The following HS6ST3 variants were observed in gnomAD, a reference collection of about 807,000 sequenced individuals.
HS6ST3 encodes the protein heparan-sulfate 6-O-sulfotransferase 3.
A neutral mutation model predicts 36.7 loss-of-function variants in HS6ST3; 12 were observed. The observed-to-expected ratio is 0.33, with a 90% CI of 0.21 to 0.53. The LOEUF is 0.53. Ranked by LOEUF, HS6ST3 falls within the 20% of genes least tolerant of loss-of-function variation. The probability of loss-of-function intolerance (pLI) is 0.95; values close to 1 mark genes in which losing one functional copy is unlikely to be tolerated. For synonymous variants in HS6ST3, 240 were observed against 257.5 expected (o/e 0.93, Z 0.65); for missense variants, 584 against 640.9 (o/e 0.91, Z 0.96).
chr13:96,338,691 C>A (rs941225490), intron 1 of HS6ST3, among the ~76,000 whole-genome samples: 8 of 152,076 alleles, frequency 5.3e-5, no homozygotes, highest in Non-Finnish European at 1.0e-4. Flanking sequence ...TGGTGTCAGC[C>A]CTCCCCTCTT....
rs1172289344 is a variant in HS6ST3 at position 96,143,158 on chromosome 13, A to G, written c.707+51589A>G. 5.9e-5 allele frequency among the ~76,000 whole-genome samples: 9 copies of G among 152,120 alleles called. No homozygotes were observed. The East Asian group carries it at 1.7e-3, about 29-fold the overall frequency. On this transcript the variant is annotated intron_variant, in intron 1 of 1. Coordinates refer to ENST00000376705, the MANE Select transcript of HS6ST3 (RefSeq NM_153456.4). ...CTGTGGATGAACACAGATCCTATTG[A>G]TAGCAGCCATCAAATGCCTCACTAT...
intron 1 of HS6ST3, among the ~76,000 whole-genome samples, chr13:96,189,986 T>G (rs918911948): frequency 6.6e-6 from 1 of 152,178 alleles, no homozygotes; most frequent in Non-Finnish European, 1.5e-5. Context: ...TGAATCCACC[T>G]ACATGTTAGG....
intron 1 of HS6ST3, among the ~76,000 whole-genome samples, chr13:96,101,511 A>G (rs2053818313): frequency 6.6e-6 from 1 of 151,924 alleles, no homozygotes. Flanking sequence ...ATATTATGAA[A>G]AGCTTCTAAT....
chr13:96,359,865 A>G (rs2055228898), intron 1 of HS6ST3, among the ~76,000 whole-genome samples: 1 of 152,194 alleles, frequency 6.6e-6, no homozygotes, highest in South Asian at 2.1e-4. Flanking sequence ...AGTTTCCAGC[A>G]GGAGTTGAAG....
intron 1 of HS6ST3, among the ~76,000 whole-genome samples, chr13:96,598,681 A>G (rs1314950282): frequency 6.6e-6 from 1 of 152,120 alleles, no homozygotes; most frequent in Non-Finnish European, 1.5e-5. Context: ...CTACTGCCCA[A>G]TTGCTCAGGC....
rs924990063 is a variant in HS6ST3, at chr13:96,560,035, A to G, written c.708-272455A>G. Among the ~76,000 whole-genome samples, 4 of 152,178 alleles carry G rather than the reference A, an allele frequency of 2.6e-5. No homozygotes were observed. In the South Asian group the frequency reaches 6.2e-4, roughly 24 times the overall value. On this transcript the variant is annotated intron_variant, in intron 1 of 1. Transcript: ENST00000376705. The stretch of plus-strand genomic sequence containing the variant: ...CTCCTTTGTGCATATTCCTAATTTG[A>G]GATCTATGAGAATTTCATCTCAGGC...
intron 1 of HS6ST3, among the ~76,000 whole-genome samples, chr13:96,633,941 T>G (rs561855384): frequency 6.6e-6 from 1 of 151,912 alleles, no homozygotes; most frequent in African/African-American, 2.4e-5. Context: ...CATTTGGAGG[T>G]GGGGCCTTTG....
At chr13:96,166,019 G>C (rs1044991946) in intron 1 of HS6ST3, among the ~76,000 whole-genome samples, 2 of 142,186 alleles carry the variant, frequency 1.4e-5, no homozygotes, top group African/African-American at 5.3e-5. Context: ...AGGGTGGAAG[G>C]GGTTATTTAT....
intron 1 of HS6ST3, among the ~76,000 whole-genome samples, chr13:96,700,111 A>G (rs931373704): frequency 2.6e-5 from 4 of 152,236 alleles, no homozygotes; most frequent in Admixed American, 1.3e-4. Context: ...GTATTAGTCC[A>G]TTTTCACACT....
At chr13:96,453,528 A>G (rs1472164337) in intron 1 of HS6ST3, among the ~76,000 whole-genome samples, 1 of 152,224 alleles carries the variant, frequency 6.6e-6, no homozygotes, top group East Asian at 1.9e-4. Context: ...GTGGAGAACC[A>G]TCTCTCAACA....
intron 1 of HS6ST3, among the ~76,000 whole-genome samples, chr13:96,747,850 TCCATATGGGAATGCATTC>T (rs1247514568): frequency 6.6e-6 from 1 of 151,938 alleles, no homozygotes; most frequent in Non-Finnish European, 1.5e-5. Context: ...GCTAGGGTGT[TCCATATGGGAATGCATTC>T]CCATATGAAA....
intron 1 of HS6ST3, among the ~76,000 whole-genome samples, chr13:96,501,174 G>C (rs1418039281): frequency 6.6e-6 from 1 of 152,160 alleles, no homozygotes; most frequent in Non-Finnish European, 1.5e-5. Context: ...GTGTCTGGCT[G>C]ATGAGATTAG....
At chr13:96,409,702 C>A (rs1205713162) in intron 1 of HS6ST3, among the ~76,000 whole-genome samples, 2 of 152,148 alleles carry the variant, frequency 1.3e-5, no homozygotes, top group Non-Finnish European at 1.5e-5. Context: ...CATCTCTAAT[C>A]TTAAAGCAGT....
At chr13:96,658,549 C>A (rs1429513674) in intron 1 of HS6ST3, among the ~76,000 whole-genome samples, 1 of 148,820 alleles carries the variant, frequency 6.7e-6, no homozygotes, top group African/African-American at 2.5e-5. Context: ...TCCCAAAGTG[C>A]TGGGATTACA....
At chr13:96,296,157 C>G (rs2054854267) in intron 1 of HS6ST3, among the ~76,000 whole-genome samples, 1 of 152,124 alleles carries the variant, frequency 6.6e-6, no homozygotes, top group African/African-American at 2.4e-5. Flanking sequence ...AAATGAAAAC[C>G]TGGGACATTC....
chr13:96,286,380 G>T (rs2054802630), intron 1 of HS6ST3, among the ~76,000 whole-genome samples: 1 of 152,140 alleles, frequency 6.6e-6, no homozygotes, highest in Admixed American at 6.5e-5. Context: ...AGCTCTGGAT[G>T]TGTGTGTGGA....
chr13:96,689,748 C>A (rs1486871907), intron 1 of HS6ST3, among the ~76,000 whole-genome samples: 1 of 151,366 alleles, frequency 6.6e-6, no homozygotes, highest in African/African-American at 2.4e-5. Flanking sequence ...AGCGGCTGCT[C>A]CCTTGGCTAT....
intron 1 of HS6ST3, among the ~76,000 whole-genome samples, chr13:96,183,056 A>G (rs768482533): frequency 6.6e-6 from 1 of 152,240 alleles, no homozygotes; most frequent in Non-Finnish European, 1.5e-5. Context: ...AGAAACTAAC[A>G]TGGGACATGG....
intron 1 of HS6ST3, among the ~76,000 whole-genome samples, chr13:96,455,209 C>A (rs1224578444): frequency 1.4e-4 from 21 of 152,018 alleles, no homozygotes; most frequent in Admixed American, 1.3e-3. Flanking sequence ...AATGTTTTCA[C>A]CACTACAAGG....
Sources: allele counts gnomAD v4.1 joint callset (sites outside exome capture counted in the v4.1 genomes callset), GRCh38; gene constraint gnomAD v4.1.1; transcripts MANE v1.5; gene names NCBI Gene and HGNC (gene_info 2026-07-23, HGNC 2026-07-21).